The following MDGA2 variants were observed in gnomAD, a reference collection of about 807,000 sequenced individuals.
The protein encoded by MDGA2 is MAM domain-containing glycosylphosphatidylinositol anchor protein 2.
MDGA2 carries 40 observed loss-of-function variants against 117.8 expected under a neutral mutation model. The ratio of observed to expected loss-of-function variants is 0.34; its 90% CI spans 0.26 to 0.44. The LOEUF (loss-of-function observed/expected upper bound fraction) is 0.44, where lower values mean the gene tolerates loss of function less well. MDGA2 is among the 20% of genes least tolerant of loss of function. The pLI, the probability that MDGA2 is intolerant of heterozygous loss-of-function variation, is 1.00. For synonymous variants in MDGA2, 452 were observed against 439.0 expected (o/e 1.03, Z -0.37); for missense variants, 1,123 against 1,250.6 (o/e 0.90, Z 1.54).
chr14:47,227,169 T>A (rs72680240), intron 2 of MDGA2, among the ~76,000 whole-genome samples: 12,076 of 152,142 alleles, frequency 0.079, 492 homozygotes, highest in African/African-American at 0.082. Flanking sequence ...TCCTATATGT[T>A]ACCTCACTAG....
intron 8 of MDGA2, among the ~76,000 whole-genome samples, chr14:47,026,025 A>G (rs1261170795): frequency 6.6e-6 from 1 of 152,222 alleles, no homozygotes; most frequent in Non-Finnish European, 1.5e-5. Context: ...TATTCAATAC[A>G]GGAATTTACT....
chr14:46,970,571 A>C (rs1272452386), intron 8 of MDGA2, among the ~76,000 whole-genome samples: 1 of 152,156 alleles, frequency 6.6e-6, no homozygotes. Flanking sequence ...TTATATGTAA[A>C]ATTTAAAACT....
At position 46,874,160 on chromosome 14, in the gene MDGA2, C is replaced by T. The variant is rs1174222339; in HGVS notation, c.2478G>A (p.Leu826=). 2 of 1,488,856 alleles carry T rather than the reference C, an allele frequency of 1.3e-6. No individual in the cohort carries two copies. The highest frequency in any genetic ancestry group is 1.8e-6 in the Non-Finnish European group (2 of 1,119,064). 92.2% of individuals were successfully genotyped at this position (1,488,856 alleles called of 1,614,324 possible). ...AATTATCTGTATCATCTTGAGTGAA[C>T]AAACAAATATTACCATCTTCAAATC... ...HCGFEDGNIC[L]FTQDDTDNFD... Residue 826 remains leucine, a synonymous_variant, in exon 13 of 17, where the codon TTG becomes TTA. Transcript: ENST00000399232.
At chr14:47,108,218 C>T (rs11157547) in intron 5 of MDGA2, among the ~76,000 whole-genome samples, 22,863 of 152,114 alleles carry the variant, frequency 0.15, 1,843 homozygotes, top group Admixed American at 0.2. Flanking sequence ...GGGTACAGCC[C>T]ATTTAAGGTC....
intron 10 of MDGA2, among the ~76,000 whole-genome samples, chr14:46,892,146 T>C (rs1882908698): frequency 6.6e-6 from 1 of 151,554 alleles, no homozygotes; most frequent in Non-Finnish European, 1.5e-5. Flanking sequence ...ATCAAAACAA[T>C]ATTGGACTAG....
chr14:47,179,973 T>C (rs888816670), intron 3 of MDGA2, among the ~76,000 whole-genome samples: 1 of 152,002 alleles, frequency 6.6e-6, no homozygotes, highest in Non-Finnish European at 1.5e-5. Context: ...TAATGTGTTC[T>C]AATAAATTTG....
chr14:47,614,258 T>C (rs1044454215), intron 1 of MDGA2, among the ~76,000 whole-genome samples: 2 of 151,992 alleles, frequency 1.3e-5, no homozygotes, highest in African/African-American at 4.8e-5. Flanking sequence ...TTGCGCTAAT[T>C]TTTTTATTTT....
intron 14 of MDGA2, among the ~76,000 whole-genome samples, chr14:46,856,961 C>T (rs1262902385): frequency 6.6e-6 from 1 of 152,110 alleles, no homozygotes; most frequent in African/African-American, 2.4e-5. Flanking sequence ...AAACTCCCTT[C>T]AGATGTTCCA....
chr14:47,496,279 A>G (rs915413621), intron 1 of MDGA2, among the ~76,000 whole-genome samples: 2 of 152,086 alleles, frequency 1.3e-5, no homozygotes, highest in Admixed American at 1.3e-4. Flanking sequence ...GTTTCATGCT[A>G]TTGTCCAGGC....
intron 1 of MDGA2, among the ~76,000 whole-genome samples, chr14:47,468,000 T>C (rs116048929): frequency 0.015 from 2,209 of 152,216 alleles, 50 homozygotes; most frequent in African/African-American, 0.05. Flanking sequence ...CCTTATCCTA[T>C]AATAATGGGT....
intron 1 of MDGA2, among the ~76,000 whole-genome samples, chr14:47,356,043 G>C (rs1302481345): frequency 1.3e-5 from 2 of 152,120 alleles, no homozygotes; most frequent in Non-Finnish European, 2.9e-5. Context: ...CCCTGGACCA[G>C]CTCAGCCTGC....
intron 5 of MDGA2, among the ~76,000 whole-genome samples, chr14:47,109,731 A>G (rs1412953485): frequency 6.6e-6 from 1 of 152,204 alleles, no homozygotes; most frequent in East Asian, 1.9e-4. Context: ...GTAACACTTG[A>G]GGTCGGGAGT....
intron 1 of MDGA2, among the ~76,000 whole-genome samples, chr14:47,343,640 A>C (rs1362898332): frequency 6.6e-6 from 1 of 152,160 alleles, no homozygotes; most frequent in Non-Finnish European, 1.5e-5. Context: ...TAATTATCTA[A>C]ATAAAATGAC....
chr14:47,553,967 G>A (rs574359205), intron 1 of MDGA2, among the ~76,000 whole-genome samples: 7 of 152,070 alleles, frequency 4.6e-5, no homozygotes, highest in Non-Finnish European at 7.4e-5. Context: ...ATGTATTTTC[G>A]TCTGGGTTTT....
At chr14:47,458,117 T>C (rs925235783) in intron 1 of MDGA2, among the ~76,000 whole-genome samples, 4 of 152,054 alleles carry the variant, frequency 2.6e-5, no homozygotes, top group African/African-American at 7.2e-5. Context: ...TCAGGCACTT[T>C]GGCCATTTTT....
chr14:47,561,179 G>GGTTTTTTTTTTT (rs1895806813), intron 1 of MDGA2, among the ~76,000 whole-genome samples: 1 of 71,624 alleles, frequency 1.4e-5, no homozygotes, highest in African/African-American at 4.7e-5. Flanking sequence ...TTGTTTGTTT[G>GGTTTTTTTTTTT]TTTTTTTTTG....
chr14:47,614,100 T>C (rs1026515029), intron 1 of MDGA2, among the ~76,000 whole-genome samples: 27 of 146,588 alleles, frequency 1.8e-4, no homozygotes, highest in African/African-American at 6.1e-4. Context: ...TTTTTCTTTT[T>C]TTTTTTTTTT....
At chr14:47,591,658 A>G (rs1399208882) in intron 1 of MDGA2, among the ~76,000 whole-genome samples, 2 of 152,080 alleles carry the variant, frequency 1.3e-5, no homozygotes, top group African/African-American at 4.8e-5. Context: ...ATCAATAAAC[A>G]TAATTCATCA....
chr14:47,139,588 T>C, intron 4 of MDGA2, among the ~76,000 whole-genome samples: 1 of 151,734 alleles, frequency 6.6e-6, no homozygotes, highest in African/African-American at 2.4e-5. Flanking sequence ...GGTCAATGAC[T>C]ATCAACCTAA....
Sources: allele counts gnomAD v4.1 joint callset (sites outside exome capture counted in the v4.1 genomes callset), GRCh38; gene constraint gnomAD v4.1.1; transcripts MANE v1.5; gene names NCBI Gene and HGNC (gene_info 2026-07-23, HGNC 2026-07-21).